The following ATG7 variants were observed in gnomAD, a reference collection of about 807,000 sequenced individuals.
ATG7 encodes ubiquitin-like modifier-activating enzyme ATG7.
A neutral mutation model predicts 82.4 loss-of-function variants in ATG7; 70 were observed. The ratio of observed to expected loss-of-function variants is 0.85; its 90% confidence interval spans 0.70 to 1.04. ATG7 has a LOEUF of 1.04. Among genes scored for constraint, ATG7 ranks in the 50% least tolerant of loss-of-function variants. ATG7 has a pLI of 0.00. For synonymous variants in ATG7, 287 were observed against 313.0 expected, an observed-to-expected ratio of 0.92 and a Z score of 0.88; for missense variants, 792 against 864.3, an observed-to-expected ratio of 0.92 and a Z score of 1.05.
chr3:11,366,979 G>A (rs1401939423), intron 18 of ATG7, among the ~76,000 whole-genome samples: 2 of 134,786 alleles, frequency 1.5e-5, no homozygotes, highest in African/African-American at 5.8e-5. Flanking sequence ...AGCTGTGTGT[G>A]TGTGTGTGTG....
At chr3:11,425,259 T>TA (rs2082269460) in intron 19 of ATG7, among the ~76,000 whole-genome samples, 1 of 152,230 alleles carries the variant, frequency 6.6e-6, no homozygotes, top group African/African-American at 2.4e-5. Flanking sequence ...CCATCGTGCC[T>TA]GGCCCAAACA....
intron 20 of ATG7, among the ~76,000 whole-genome samples, chr3:11,462,287 T>C (rs1328766784): frequency 6.6e-6 from 1 of 151,934 alleles, no homozygotes; most frequent in Non-Finnish European, 1.5e-5. Flanking sequence ...TATGAGATAG[T>C]CTGTTAGGTG....
intron 20 of ATG7, among the ~76,000 whole-genome samples, chr3:11,554,554 A>AGG (rs2125075092): frequency 6.6e-6 from 1 of 152,278 alleles, no homozygotes; most frequent in South Asian, 2.1e-4. Context: ...GACATGCAGG[A>AGG]GGTGAGCAGA....
intron 20 of ATG7, among the ~76,000 whole-genome samples, chr3:11,535,844 G>A (rs981892656): frequency 6.6e-6 from 1 of 152,206 alleles, no homozygotes; most frequent in African/African-American, 2.4e-5. Flanking sequence ...TGCTTGAATG[G>A]TGAAGCATAT....
intron 18 of ATG7, among the ~76,000 whole-genome samples, chr3:11,377,168 C>A (rs571911049): frequency 3.9e-5 from 6 of 152,262 alleles, no homozygotes; most frequent in African/African-American, 1.2e-4. Context: ...GTGGAAGTAC[C>A]CCCTTAGGAG....
chr3:11,306,659 T>G (rs1478227836), intron 5 of ATG7, among the ~76,000 whole-genome samples: 1 of 152,052 alleles, frequency 6.6e-6, no homozygotes, highest in Non-Finnish European at 1.5e-5. Flanking sequence ...AGGTTAAAGG[T>G]GGGAAAGAAG....
At chr3:11,574,783 ATATGTGTGTGTGTGTGTGTG>A in the ATG7 span, among the ~76,000 whole-genome samples, 10 of 111,782 alleles carry the variant, frequency 8.9e-5, no homozygotes, top group African/African-American at 2.0e-4. Flanking sequence ...ATTCAACTAT[ATATGTGTGTGTGTGTGTGTG>A]TGTGTGTGTG....
chr3:11,405,646 G>A (rs1474606749), intron 19 of ATG7, among the ~76,000 whole-genome samples: 1 of 151,840 alleles, frequency 6.6e-6, no homozygotes, highest in Non-Finnish European at 1.5e-5. Context: ...TTATTTTTGA[G>A]ACAGGATCTC....
At chr3:11,535,155 A>G (rs1169893926) in intron 20 of ATG7, among the ~76,000 whole-genome samples, 1 of 152,098 alleles carries the variant, frequency 6.6e-6, no homozygotes, top group African/African-American at 2.4e-5. Context: ...GGAATATTTC[A>G]TCCTTCGGGG....
chr3:11,337,035 G>T (rs1952624003), intron 11 of ATG7, among the ~76,000 whole-genome samples: 1 of 152,190 alleles, frequency 6.6e-6, no homozygotes, highest in Non-Finnish European at 1.5e-5. Context: ...TTGTGTTACA[G>T]CTCTGGCACC....
intron 20 of ATG7, among the ~76,000 whole-genome samples, chr3:11,451,383 T>G (rs2085117170): frequency 1.3e-5 from 2 of 152,132 alleles, no homozygotes; most frequent in African/African-American, 4.8e-5. Context: ...AGCTAATTTT[T>G]GTATTTTTAG....
intron 20 of ATG7, among the ~76,000 whole-genome samples, chr3:11,445,844 G>T (rs558843098): frequency 1.8e-4 from 27 of 152,198 alleles, no homozygotes; most frequent in Admixed American, 1.4e-3. Context: ...TTGCCAATCT[G>T]TATAACAGTA....
chr3:11,498,046 C>CT (rs2153057501), intron 20 of ATG7, among the ~76,000 whole-genome samples: 1 of 152,254 alleles, frequency 6.6e-6, no homozygotes, highest in Non-Finnish European at 1.5e-5. Flanking sequence ...ATGTTGAGGG[C>CT]TAGGACCCTC....
chr3:11,459,173 T>A (rs372953735), intron 20 of ATG7, among the ~76,000 whole-genome samples: 8 of 141,748 alleles, frequency 5.6e-5, no homozygotes, highest in Admixed American at 1.4e-4. Context: ...GGAGTCACTT[T>A]AAAAAAAAAA....
intron 20 of ATG7, among the ~76,000 whole-genome samples, chr3:11,491,521 G>A (rs2090353501): frequency 6.6e-6 from 1 of 152,188 alleles, no homozygotes; most frequent in Admixed American, 6.5e-5. Context: ...GTGAGGAGCT[G>A]CGTTCCTTTG....
intron 13 of ATG7, chr3:11,346,476 A>G (rs1954567476): frequency 1.3e-5 from 2 of 152,192 alleles, no homozygotes; most frequent in South Asian, 4.1e-4. Flanking sequence ...TTTTCTCCCT[A>G]CCACATCCTC....
At chr3:11,464,895 A>G (rs2086672552) in intron 20 of ATG7, among the ~76,000 whole-genome samples, 1 of 152,142 alleles carries the variant, frequency 6.6e-6, no homozygotes, top group African/African-American at 2.4e-5. Context: ...TTGTTTGGGT[A>G]CTGTTAGGAT....
intron 20 of ATG7, among the ~76,000 whole-genome samples, chr3:11,549,887 A>G (rs1412571099): frequency 6.6e-6 from 1 of 152,182 alleles, no homozygotes; most frequent in Non-Finnish European, 1.5e-5. Flanking sequence ...CCTCACAGAC[A>G]TCGGGCATCG....
At chr3:11,499,494 C>T (rs931797118) in intron 20 of ATG7, among the ~76,000 whole-genome samples, 1 of 152,112 alleles carries the variant, frequency 6.6e-6, no homozygotes. Flanking sequence ...GCCTGCAATC[C>T]CAGCACTTTG....
Sources: allele counts gnomAD v4.1 joint callset (sites outside exome capture counted in the v4.1 genomes callset), GRCh38; gene constraint gnomAD v4.1.1; transcripts MANE v1.5; gene names NCBI Gene and HGNC (gene_info 2026-07-23, HGNC 2026-07-21).